JAK2: variants seen among roughly 807,000 people sequenced by gnomAD.
JAK2 encodes Janus kinase 2.
JAK2 carries 86 observed loss-of-function variants against 139.3 expected under a neutral mutation model. The ratio of observed to expected loss-of-function variants is 0.62; its 90% CI spans 0.52 to 0.74. JAK2 has a LOEUF of 0.74. Ranked by LOEUF, JAK2 falls within the 30% of genes least tolerant of loss-of-function variation. The pLI is 0.00. For missense variants in JAK2, 1,421 were observed against 1,360.3 expected (o/e 1.04, Z -0.70); for synonymous variants, 490 against 437.7 (o/e 1.12, Z -1.49).
chr9:5,059,124 T>C (rs1261135680), intron 8 of JAK2, among the ~76,000 whole-genome samples: 3 of 152,176 alleles, frequency 2.0e-5, no homozygotes, highest in Non-Finnish European at 4.4e-5. Flanking sequence ...CGTGTATAGC[T>C]CAATGAATTT....
At chr9:5,093,644 T>G (rs1820754924) in intron 22 of JAK2, among the ~76,000 whole-genome samples, 1 of 152,116 alleles carries the variant, frequency 6.6e-6, no homozygotes, top group African/African-American at 2.4e-5. Flanking sequence ...ATATTCAACC[T>G]CCGAACAACC....
chr9:5,120,507 G>A (rs540047238), intron 22 of JAK2, among the ~76,000 whole-genome samples: 5 of 152,200 alleles, frequency 3.3e-5, no homozygotes, highest in African/African-American at 1.2e-4. Flanking sequence ...TTTGTTTTAA[G>A]CTAACAATAT....
chr9:5,092,904 C>CTT (rs1008590962), intron 22 of JAK2, among the ~76,000 whole-genome samples: 3 of 152,156 alleles, frequency 2.0e-5, no homozygotes, highest in African/African-American at 7.2e-5. Context: ...AGGGACAGCT[C>CTT]TTTAGACCCT....
chr9:5,038,875 A>G (rs1281905936), intron 4 of JAK2, among the ~76,000 whole-genome samples: 4 of 152,106 alleles, frequency 2.6e-5, no homozygotes, highest in Non-Finnish European at 5.9e-5. Flanking sequence ...TCAATGTAAT[A>G]CACCACATTA....
At chr9:5,001,348 A>G (rs1379911361) in intron 2 of JAK2, among the ~76,000 whole-genome samples, 2 of 152,140 alleles carry the variant, frequency 1.3e-5, no homozygotes, top group African/African-American at 4.8e-5. Context: ...TATTTTATTG[A>G]GGAAATTCCC....
At position 5,112,587 on chromosome 9, in the gene JAK2, G is replaced by A. The variant is rs1032225646; in HGVS notation, c.3060-10417G>A. The A allele has an allele frequency of 1.9e-5, 14 of 728,092 alleles. No individual in the cohort carries two copies. In the Admixed American group the frequency reaches 2.3e-4, roughly 12 times the overall value. The allele number at this position is 728,092 out of a possible 1,614,324, so 45.1% of individuals were successfully genotyped here. On this transcript the variant is annotated intron_variant, in intron 22 of 24. Transcript: ENST00000381652. ...GGGAGCGGCTGCGGGTCCCTTAAGAGGGCTCTTAAGGAGCTGGGGCGCATG... is the reference window on the plus strand; with the variant it reads ...GGGAGCGGCTGCGGGTCCCTTAAGAAGGCTCTTAAGGAGCTGGGGCGCATG...
intron 4 of JAK2, among the ~76,000 whole-genome samples, chr9:5,042,523 G>T (rs1022178011): frequency 6.6e-6 from 1 of 152,196 alleles, no homozygotes; most frequent in Admixed American, 6.5e-5. Flanking sequence ...GGAAAAAAAA[G>T]AAAGGCCCCC....
At chr9:5,000,764 T>A (rs961977031) in intron 2 of JAK2, among the ~76,000 whole-genome samples, 1 of 152,224 alleles carries the variant, frequency 6.6e-6, no homozygotes. Flanking sequence ...GATACCATCT[T>A]CTTGTTTGAT....
intron 3 of JAK2, among the ~76,000 whole-genome samples, chr9:5,028,449 T>G (rs1822923730): frequency 6.6e-6 from 1 of 152,188 alleles, no homozygotes; most frequent in Admixed American, 6.5e-5. Flanking sequence ...GCCATAGATT[T>G]TCAGAATGGT....
intron 2 of JAK2, among the ~76,000 whole-genome samples, chr9:5,001,340 T>C (rs976465941): frequency 6.6e-6 from 1 of 152,164 alleles, no homozygotes; most frequent in Non-Finnish European, 1.5e-5. Context: ...ATGATCTTTA[T>C]TTTATTGAGG....
Position 5,126,774 on chromosome 9 carries a change from G to C in JAK2, c.3382G>C (p.Asp1128His). 1 of 1,605,614 alleles carries C rather than the reference G, an allele frequency of 6.2e-7. No individual in the cohort carries two copies. The highest frequency in any genetic ancestry group is 1.3e-5 in the African/African-American group (1 of 74,726). ...AGCTCTTCGAGTGGATCAAATAAGG[G>C]ATAACATGGCTGGATGAAAGAAATG... The part of the protein sequence containing the change: ...DLALRVDQIR[D>H]NMAG The change falls in exon 25 of 25, where the codon GAT becomes CAT. Residue 1128 changes from aspartate (D) to histidine (H), a missense_variant. Coordinates refer to ENST00000381652, the MANE Select transcript of JAK2 (RefSeq NM_004972.4).
intron 22 of JAK2, among the ~76,000 whole-genome samples, chr9:5,093,490 T>C (rs948545293): frequency 1.3e-5 from 2 of 152,186 alleles, no homozygotes; most frequent in African/African-American, 4.8e-5. Context: ...ATCTGACCTA[T>C]TGGTGAAGAG....
At chr9:5,040,968 A>T in intron 4 of JAK2, 1 of 572,894 alleles carries the variant, frequency 1.7e-6, no homozygotes, top group Admixed American at 2.3e-5. Context: ...ATACAAACAA[A>T]TATGTGGCTA....
At chr9:5,063,231 T>C (rs1295113479) in intron 8 of JAK2, among the ~76,000 whole-genome samples, 1 of 152,230 alleles carries the variant, frequency 6.6e-6, no homozygotes, top group African/African-American at 2.4e-5. Flanking sequence ...GAGTTAATTA[T>C]TGCTTTATGA....
At position 4,994,943 on chromosome 9, in the gene JAK2, C is replaced by CGTGT. The variant is rs368477952; in HGVS notation, c.-26+8933_-26+8936dup. Among the ~76,000 whole-genome samples the CGTGT allele has an allele frequency of 6.8e-3, 1,030 of 151,104 alleles. 14 individuals are homozygous for CGTGT. Among genetic ancestry groups the CGTGT allele is most frequent in the African/African-American group, 0.024 (986 of 41,196 alleles). The stretch of plus-strand genomic sequence containing the variant: ...AAATATCTTTGTACATTTGTCAGGG[C>CGTGT]GTGTGTGTGTGTGTGACTATAACTA... On this transcript the variant is annotated intron_variant, in intron 2 of 24. Transcript: ENST00000381652.
intron 22 of JAK2, among the ~76,000 whole-genome samples, chr9:5,122,785 G>C (rs1213237724): frequency 6.6e-6 from 1 of 152,004 alleles, no homozygotes; most frequent in Non-Finnish European, 1.5e-5. Context: ...TCTAGGCATA[G>C]TGAGTCACTC....
In JAK2 at chr9:5,047,469, A is replaced by C. The variant is rs115076093; in HGVS notation, c.468+2949A>C. 3.0e-3 allele frequency among the ~76,000 whole-genome samples: 457 copies of C among 152,334 alleles called. 1 individual carries two copies. Among genetic ancestry groups the C allele is most frequent in the African/African-American group, 0.011 (439 of 41,572 alleles). The stretch of plus-strand genomic sequence containing the variant: ...TGGCTGCTAAGCAAATAAACTGCTG[A>C]CATGTGAACAACTTTTAATTAATTC... On this transcript the variant is annotated intron_variant, in intron 5 of 24. Coordinates refer to ENST00000381652, the MANE Select transcript of JAK2 (RefSeq NM_004972.4).
rs762885070 is a variant in JAK2, at chr9:5,123,168, A to G, written c.3177+47A>G. 3.1e-6 allele frequency: 4 copies of G among 1,285,192 alleles called. No homozygotes were observed. The Admixed American group carries it at 7.7e-5, about 25-fold the overall frequency. The allele number at this position is 1,285,192 out of a possible 1,614,324, so 79.6% of individuals were successfully genotyped here. On this transcript the variant is annotated intron_variant, in intron 23 of 24. Coordinates refer to ENST00000381652, the MANE Select transcript of JAK2 (RefSeq NM_004972.4). ...TTTCAGTTTTTTGTTTGTTCGTTTG[A>G]TTTTTATAAATTTATGGGGTACAAG... is the stretch of plus-strand genomic sequence containing the variant.
Position 5,069,204 on chromosome 9 carries a change from A to T in JAK2, c.1509A>T (p.Pro503=). 1.3e-6 allele frequency: 2 copies of T among 1,596,028 alleles called. No homozygotes were observed. Among genetic ancestry groups the T allele is most frequent in the Non-Finnish European group, 8.5e-7 (1 of 1,171,392 alleles). ...TTACTAAATGCTGTCCCCCAAAGCC[A>T]AAAGGTAAGATAATTTTCTAGTTAT... ...FQFTKCCPPK[P]KDKSNLLVFR... Residue 503 remains proline (P), a synonymous_variant, in exon 11 of 25, where the codon CCA becomes CCT. Transcript: ENST00000381652.
Sources: gnomAD v4.1 joint callset for allele counts (sites outside exome capture counted in the v4.1 genomes callset) on GRCh38, gnomAD v4.1.1 for gene constraint, MANE v1.5 for transcripts, NCBI Gene and HGNC (gene_info 2026-07-23, HGNC 2026-07-21) for gene names.